CSMD3: variants seen among roughly 807,000 people sequenced by gnomAD.
CSMD3 encodes CUB and Sushi multiple domains 3, also known as CUB and sushi domain-containing protein 3.
Under a neutral mutation model 435.2 loss-of-function variants are expected in CSMD3, and 177 were observed. The ratio of observed to expected loss-of-function variants is 0.41; its 90% confidence interval spans 0.36 to 0.46. The LOEUF (loss-of-function observed/expected upper bound fraction) is 0.46. CSMD3 is among the 20% of genes least tolerant of loss of function. The pLI is 0.34. For synonymous variants in CSMD3, 1,656 were observed against 1,520.5 expected, an observed-to-expected ratio of 1.09 and a Z score of -2.07; for missense variants, 4,265 against 4,504.6, an observed-to-expected ratio of 0.95 and a Z score of 1.52.
chr8:112,383,523 C>T (rs2131253911), intron 37 of CSMD3, 44 bp downstream of exon 37: 1 of 1,076,354 alleles, frequency 9.3e-7, no homozygotes, highest in Middle Eastern at 2.0e-4. Context: ...TTTTATATTC[C>T]TAATTATATC....
chr8:112,690,122 A>G (rs2131826491), intron 13 of CSMD3, 72 bp from the exon 14 acceptor site: 3 of 1,052,554 alleles, frequency 2.9e-6, no homozygotes, highest in Non-Finnish European at 3.0e-6. Context: ...CAAGTTAGGT[A>G]GATATATGCT....
At position 112,598,143 on chromosome 8, in the gene CSMD3, T is replaced by C. The variant is rs924362374; in HGVS notation, c.3716-10908A>G. Among the ~76,000 whole-genome samples the C allele has an allele frequency of 1.5e-3, 221 of 144,442 alleles. 3 individuals are homozygous for C. The highest frequency in any genetic ancestry group is 5.3e-3 in the African/African-American group (201 of 37,912). 94.8% of individuals were successfully genotyped at this position (144,442 alleles called of 152,430 possible). A position where few individuals can be genotyped will look rare whatever the true frequency, so the allele number is the denominator to read the frequency against. ...CCCATTGTCTCAGCCCAAAATCTCCTTAAGCTGATAAGCAACTTCAGCAAA... is the reference window on the plus strand; with the variant it reads ...CCCATTGTCTCAGCCCAAAATCTCCCTAAGCTGATAAGCAACTTCAGCAAA... On this transcript the variant is annotated intron_variant, in intron 22 of 70. Transcript: ENST00000297405.
At chr8:113,377,219 C>T (rs2133086570) in intron 1 of CSMD3, 11 of 956,010 alleles carry the variant, frequency 1.2e-5, no homozygotes, top group Non-Finnish European at 1.5e-5. Flanking sequence ...CGCGAGAGAC[C>T]GAAGGGCCAG....
intron 4 of CSMD3, among the ~76,000 whole-genome samples, chr8:113,122,032 G>A (rs2091000526): frequency 6.6e-6 from 1 of 151,856 alleles, no homozygotes; most frequent in Non-Finnish European, 1.5e-5. Context: ...TTCCTTCTTA[G>A]GTCCACATCA....
intron 31 of CSMD3, among the ~76,000 whole-genome samples, chr8:112,476,401 G>T (rs1819056295): frequency 6.6e-6 from 1 of 152,102 alleles, no homozygotes. Context: ...AGAAGACATG[G>T]TTCTATCATT....
rs772040663 is a variant in CSMD3, at chr8:112,336,835, GA to G, written c.6842-7del. ...TATATTCCCACCACAAAGAGCTACG[GA>G]AAAAGTCACAAAACAAAATAATATT... On this transcript the variant is annotated splice_region_variant and splice_polypyrimidine_tract_variant and intron_variant, in intron 43 of 70. Coordinates refer to ENST00000297405, the MANE Select transcript of CSMD3 (RefSeq NM_198123.2). 5 of 1,610,310 alleles carry G rather than the reference GA, an allele frequency of 3.1e-6. No individual in the cohort carries two copies. Among genetic ancestry groups the G allele is most frequent in the South Asian group, 2.2e-5 (2 of 90,988 alleles).
chr8:112,969,124 T>A (rs956973084), intron 7 of CSMD3, among the ~76,000 whole-genome samples: 5 of 151,974 alleles, frequency 3.3e-5, no homozygotes, highest in Non-Finnish European at 5.9e-5. Flanking sequence ...AGTTCTTGAA[T>A]CAAATTTGTG....
At chr8:112,445,681 T>C (rs908322097) in intron 32 of CSMD3, among the ~76,000 whole-genome samples, 4 of 152,184 alleles carry the variant, frequency 2.6e-5, no homozygotes, top group African/African-American at 9.7e-5. Context: ...ACATGAGATT[T>C]GAAGGGGACA....
At chr8:113,358,708 T>C (rs185558954) in intron 1 of CSMD3, among the ~76,000 whole-genome samples, 9 of 152,308 alleles carry the variant, frequency 5.9e-5, no homozygotes, top group African/African-American at 1.9e-4. Context: ...TGATTAATGA[T>C]GGCAATTTCG....
At chr8:112,805,271 T>C (rs1340896141) in intron 12 of CSMD3, among the ~76,000 whole-genome samples, 1 of 151,996 alleles carries the variant, frequency 6.6e-6, no homozygotes, top group African/African-American at 2.4e-5. Context: ...AGAAAAGGGG[T>C]ATTCCGAAAA....
chr8:112,513,200 G>C (rs1823314235), intron 28 of CSMD3, among the ~76,000 whole-genome samples: 1 of 152,146 alleles, frequency 6.6e-6, no homozygotes, highest in East Asian at 1.9e-4. Flanking sequence ...TTTGCATTCA[G>C]AACATGGGTA....
chr8:112,494,882 G>A (rs1821180939), intron 30 of CSMD3, among the ~76,000 whole-genome samples: 1 of 151,954 alleles, frequency 6.6e-6, no homozygotes, highest in South Asian at 2.1e-4. Context: ...TGATTCCTGG[G>A]TTTCAAACCA....
intron 13 of CSMD3, among the ~76,000 whole-genome samples, chr8:112,781,684 G>A (rs1053441736): frequency 2.0e-5 from 3 of 152,088 alleles, no homozygotes; most frequent in East Asian, 1.9e-4. Context: ...CTGACCACAG[G>A]AGTACTTGTG....
At chr8:113,338,038 C>T (rs2094090187) in intron 1 of CSMD3, among the ~76,000 whole-genome samples, 1 of 151,796 alleles carries the variant, frequency 6.6e-6, no homozygotes, top group Admixed American at 6.6e-5. Context: ...AATTATACAT[C>T]TGATTAGATA....
intron 9 of CSMD3, among the ~76,000 whole-genome samples, chr8:112,929,399 AG>A (rs1699847271): frequency 2.7e-5 from 4 of 149,900 alleles, no homozygotes; most frequent in Admixed American, 1.3e-4. Context: ...TAAAAAAAAA[AG>A]ATTTCAAGAT....
chr8:112,925,063 G>T (rs764418549), intron 9 of CSMD3, among the ~76,000 whole-genome samples: 2 of 151,910 alleles, frequency 1.3e-5, no homozygotes, highest in Non-Finnish European at 2.9e-5. Flanking sequence ...GTTCTGGTGG[G>T]GGAAATTTAT....
At chr8:112,900,312 C>A (rs2082077614) in intron 10 of CSMD3, among the ~76,000 whole-genome samples, 1 of 151,252 alleles carries the variant, frequency 6.6e-6, no homozygotes, top group Admixed American at 6.6e-5. Flanking sequence ...GTATAGAAAA[C>A]ATCCTTAGTA....
intron 2 of CSMD3, among the ~76,000 whole-genome samples, chr8:113,284,821 C>T (rs1389813694): frequency 6.6e-6 from 1 of 152,110 alleles, no homozygotes; most frequent in Non-Finnish European, 1.5e-5. Flanking sequence ...TATATTCCCT[C>T]CGCGTTGATG....
intron 32 of CSMD3, among the ~76,000 whole-genome samples, chr8:112,455,868 A>G (rs1184547576): frequency 1.3e-5 from 2 of 151,676 alleles, no homozygotes; most frequent in East Asian, 1.9e-4. Flanking sequence ...CTGGGATTTA[A>G]AAAAAAAGGA....
Sources: gnomAD v4.1 joint callset for allele counts (sites outside exome capture counted in the v4.1 genomes callset) on GRCh38, gnomAD v4.1.1 for gene constraint, MANE v1.5 for transcripts, NCBI Gene and HGNC (gene_info 2026-07-23, HGNC 2026-07-21) for gene names.